The following WDR27 variants were observed in gnomAD, a reference collection of about 807,000 sequenced individuals.
The protein encoded by WDR27 is WD repeat-containing protein 27.
WDR27 carries 100 observed loss-of-function variants against 114.4 expected under a neutral mutation model. The observed-to-expected ratio is 0.87, with a 90% CI of 0.74 to 1.03. The LOEUF is 1.03. Ranked by LOEUF, WDR27 falls within the 50% of genes least tolerant of loss-of-function variation. The pLI is 0.00. For synonymous variants in WDR27, 449 were observed against 423.1 expected (o/e 1.06, Z -0.75); for missense variants, 1,129 against 1,092.9 (o/e 1.03, Z -0.47).
At chr6:169,536,614 A>C (rs1796222243) in intron 25 of WDR27, among the ~76,000 whole-genome samples, 1 of 152,224 alleles carries the variant, frequency 6.6e-6, no homozygotes, top group African/African-American at 2.4e-5. Flanking sequence ...TCACTCACAC[A>C]ACAAATATTC....
At chr6:169,598,250 C>T (rs746528322) in intron 23 of WDR27, among the ~76,000 whole-genome samples, 1 of 152,194 alleles carries the variant, frequency 6.6e-6, no homozygotes, top group Non-Finnish European at 1.5e-5. Flanking sequence ...TTGTCTTAGT[C>T]TGTTTTGTGA....
chr6:169,645,023 TAAAAAAAAAAAATAAAAAAAAAA>T (rs1820218653), intron 16 of WDR27, among the ~76,000 whole-genome samples: 1 of 46,982 alleles, frequency 2.1e-5, no homozygotes, highest in Admixed American at 2.9e-4. Flanking sequence ...AAAAAAAAAA[TAAAAAAAAAAAATAAAAAAAAAA>T]AAAAAAAAAA....
In WDR27 at chr6:169,667,206, T is replaced by A. The variant is rs1828081417; in HGVS notation, c.661-19A>T. The A allele has an allele frequency of 6.7e-7, 1 of 1,502,230 alleles. No individual in the cohort carries two copies. The highest frequency in any genetic ancestry group is 8.9e-7 in the Non-Finnish European group (1 of 1,127,934). 93.1% of individuals were successfully genotyped at this position (1,502,230 alleles called of 1,614,324 possible). A position where few individuals can be genotyped will look rare whatever the true frequency, so the allele number is the denominator to read the frequency against. ...CCCAGACCTTTGGATAAACACAGGA[T>A]TCTTTAGAAGAGGTAACAACGTTGC... On this transcript the variant is annotated intron_variant, in intron 5 of 25. Coordinates refer to ENST00000448612, the MANE Select transcript of WDR27 (RefSeq NM_182552.5).
intron 13 of WDR27, among the ~76,000 whole-genome samples, chr6:169,652,849 G>A (rs754138524): frequency 4.6e-5 from 7 of 152,068 alleles, no homozygotes; most frequent in African/African-American, 1.2e-4. Flanking sequence ...CGTTAGTTGC[G>A]AACCACAGTA....
intron 25 of WDR27, among the ~76,000 whole-genome samples, chr6:169,538,661 T>G (rs552759548): frequency 4.0e-5 from 6 of 151,176 alleles, no homozygotes; most frequent in Admixed American, 2.7e-4. Flanking sequence ...ACTGGTTTAT[T>G]TATATAGGCC....
intron 19 of WDR27, among the ~76,000 whole-genome samples, chr6:169,635,372 A>G (rs771626773): frequency 7.2e-5 from 11 of 152,184 alleles, no homozygotes; most frequent in Non-Finnish European, 1.3e-4. Flanking sequence ...CGACAGAGTG[A>G]GACTCCGTCT....
rs1489826074 is a variant in WDR27 at position 169,644,926 on chromosome 6, G to A, written c.1658-1140C>T. ...TGGGAGGCTGAGGCAGGAGAATGGC[G>A]TGAACCCGGGAGGCGGAGCTTGCAG... On this transcript the variant is annotated intron_variant, in intron 16 of 25. Transcript: ENST00000448612. 2.1e-5 allele frequency among the ~76,000 whole-genome samples: 2 copies of A among 95,922 alleles called. 1 individual carries two copies. Among genetic ancestry groups the A allele is most frequent in the Non-Finnish European group, 3.8e-5 (2 of 52,340 alleles). 62.9% of individuals were successfully genotyped at this position (95,922 alleles called of 152,430 possible).
intron 25 of WDR27, among the ~76,000 whole-genome samples, chr6:169,555,570 C>G (rs1026558631): frequency 6.6e-6 from 1 of 152,194 alleles, no homozygotes; most frequent in African/African-American, 2.4e-5. Context: ...CACACCAAAA[C>G]TATGGCCATA....
intron 24 of WDR27, among the ~76,000 whole-genome samples, chr6:169,575,339 C>T (rs528666004): frequency 2.7e-5 from 3 of 111,074 alleles, no homozygotes; most frequent in East Asian, 2.9e-4. Context: ...TCTCTCCATC[C>T]ATCCATCCCT....
In WDR27 at chr6:169,664,252, T is replaced by C. The variant is rs1204549904; in HGVS notation, c.818A>G (p.Tyr273Cys). The change falls in exon 8 of 26, where the codon TAT becomes TGT. Residue 273 changes from tyrosine to cysteine, a missense_variant. Physicochemically the swap from Tyr to Cys is radical, Grantham distance 194. Coordinates refer to ENST00000448612, the MANE Select transcript of WDR27 (RefSeq NM_182552.5). ...TAGGTCAACCCGTGCCACACGACGA[T>C]AATGGTGTCCATCCATCAAACTGAA... is the stretch of plus-strand genomic sequence containing the variant. ...WIFSLMDGHHYRRVARVDLRK... is the reference protein window; with the variant it reads ...WIFSLMDGHHCRRVARVDLRK... 2 of 1,613,924 alleles carry C rather than the reference T, an allele frequency of 1.2e-6. No homozygotes were observed. Among genetic ancestry groups the C allele is most frequent in the South Asian group, 2.2e-5 (2 of 91,084 alleles).
intron 22 of WDR27, among the ~76,000 whole-genome samples, chr6:169,609,066 C>A (rs1562685813): frequency 6.6e-6 from 1 of 152,238 alleles, no homozygotes; most frequent in African/African-American, 2.4e-5. Flanking sequence ...CCAGGTCACA[C>A]TGATGCAAGA....
At chr6:169,562,456 C>T (rs146115408) in intron 25 of WDR27, among the ~76,000 whole-genome samples, 80 of 152,302 alleles carry the variant, frequency 5.3e-4, no homozygotes, top group African/African-American at 1.7e-3. Context: ...TAAATGAGTA[C>T]ATAAACATTT....
chr6:169,463,260 C>A (rs1008736787), intron 25 of WDR27, among the ~76,000 whole-genome samples: 1 of 152,180 alleles, frequency 6.6e-6, no homozygotes, highest in Admixed American at 6.5e-5. Context: ...CAAACTTGCC[C>A]TTTGATATCA....
chr6:169,529,684 G>C (rs1300965002), intron 25 of WDR27, among the ~76,000 whole-genome samples: 10 of 152,050 alleles, frequency 6.6e-5, no homozygotes, highest in Admixed American at 3.9e-4. Context: ...CATTCAAATG[G>C]ACCACCATTT....
intron 25 of WDR27, among the ~76,000 whole-genome samples, chr6:169,536,779 C>A (rs1796248182): frequency 6.6e-6 from 1 of 152,118 alleles, no homozygotes; most frequent in African/African-American, 2.4e-5. Context: ...CCAAGAGGCA[C>A]AAGAAAAGCA....
intron 22 of WDR27, among the ~76,000 whole-genome samples, chr6:169,604,919 T>C (rs1205891722): frequency 6.6e-6 from 1 of 151,470 alleles, no homozygotes; most frequent in Non-Finnish European, 1.5e-5. Flanking sequence ...AAATCCTCAA[T>C]GAAAACTAAG....
At chr6:169,578,410 T>C (rs6916437) in intron 24 of WDR27, among the ~76,000 whole-genome samples, 7,715 of 152,288 alleles carry the variant, frequency 0.051, 544 homozygotes, top group African/African-American at 0.16. Context: ...AGGTTTTGGA[T>C]GAATGGCAAG....
At chr6:169,589,136 G>C (rs1047909139) in intron 23 of WDR27, among the ~76,000 whole-genome samples, 2 of 152,150 alleles carry the variant, frequency 1.3e-5, no homozygotes, top group African/African-American at 4.8e-5. Flanking sequence ...AAGGGTTTCT[G>C]AGGATCCACT....
At chr6:169,467,348 C>T (rs1194796515) in intron 25 of WDR27, among the ~76,000 whole-genome samples, 1 of 152,182 alleles carries the variant, frequency 6.6e-6, no homozygotes, top group African/African-American at 2.4e-5. Flanking sequence ...TCTGTAGGGG[C>T]TCCAAACCCA....
Sources: gnomAD v4.1 joint callset for allele counts (sites outside exome capture counted in the v4.1 genomes callset) on GRCh38, gnomAD v4.1.1 for gene constraint, MANE v1.5 for transcripts, NCBI Gene and HGNC (gene_info 2026-07-23, HGNC 2026-07-21) for gene names.